GLI2: variants seen among roughly 807,000 people sequenced by gnomAD.
GLI2 encodes the protein GLI family zinc finger 2.
Under a neutral mutation model 78.9 loss-of-function variants are expected in GLI2, and 22 were observed. The ratio of observed to expected loss-of-function variants is 0.28; its 90% confidence interval spans 0.20 to 0.40. The LOEUF is 0.40. GLI2 is among the 10% of genes least tolerant of loss of function. The pLI is 1.00. For synonymous variants in GLI2, 974 were observed against 963.7 expected (o/e 1.01, Z -0.20); for missense variants, 2,097 against 2,213.2 (o/e 0.95, Z 1.05).
intron 1 of GLI2, among the ~76,000 whole-genome samples, chr2:120,766,892 G>C (rs1408817848): frequency 6.6e-6 from 1 of 152,170 alleles, no homozygotes; most frequent in Admixed American, 6.5e-5. Flanking sequence ...CGCTATGGAG[G>C]GCCTGTTCCC....
At chr2:120,943,626 C>A (rs572592437) in intron 3 of GLI2, among the ~76,000 whole-genome samples, 3 of 152,354 alleles carry the variant, frequency 2.0e-5, no homozygotes, top group South Asian at 4.1e-4. Context: ...GCCCCTGGTG[C>A]TTTGGGACTC....
intron 2 of GLI2, among the ~76,000 whole-genome samples, chr2:120,843,754 C>T (rs1686989245): frequency 6.6e-6 from 1 of 152,128 alleles, no homozygotes; most frequent in South Asian, 2.1e-4. Flanking sequence ...GCAGCCTCTG[C>T]CTCCCGGGTT....
chr2:120,833,053 A>T (rs1377799241), intron 2 of GLI2, among the ~76,000 whole-genome samples: 1 of 151,952 alleles, frequency 6.6e-6, no homozygotes, highest in East Asian at 2.0e-4. Context: ...GCCTCTTACC[A>T]GCCTGGATTG....
rs1226016321 is a variant in GLI2 at position 120,892,141 on chromosome 2, C to T, written c.149-35220C>T. Among the ~76,000 whole-genome samples the T allele has an allele frequency of 4.6e-5, 7 of 152,360 alleles. No individual in the cohort carries two copies. The East Asian group carries it at 1.4e-3, about 29-fold the overall frequency. On this transcript the variant is annotated intron_variant, in intron 2 of 13. Coordinates refer to ENST00000361492, the MANE Select transcript of GLI2 (RefSeq NM_001374353.1). ...TCGGGCCCCCATCCACCTCTCTCCC[C>T]CGTCAGCCAGGGAAGGGAAGATTTG...
chr2:120,978,678 C>CA (rs1298514453), intron 10 of GLI2, 95 bp downstream of exon 10: 139 of 1,375,530 alleles, frequency 1.0e-4, no homozygotes, highest in Non-Finnish European at 1.3e-4. Flanking sequence ...GCCACAGGCA[C>CA]ACCTGGGTGG....
At chr2:120,854,850 T>A (rs534566248) in intron 2 of GLI2, among the ~76,000 whole-genome samples, 1 of 152,300 alleles carries the variant, frequency 6.6e-6, no homozygotes, top group East Asian at 1.9e-4. Context: ...AAAGTTTGCA[T>A]TTGTAAGTCC....
At chr2:120,939,564 A>G (rs6541747) in intron 3 of GLI2, among the ~76,000 whole-genome samples, 128,464 of 152,104 alleles carry the variant, frequency 0.84, 57,972 homozygotes, top group East Asian at 1. Flanking sequence ...GAATCATTGC[A>G]GAGGTATTCT....
intron 2 of GLI2, among the ~76,000 whole-genome samples, chr2:120,921,080 C>T (rs1239879555): frequency 6.6e-6 from 1 of 152,100 alleles, no homozygotes; most frequent in African/African-American, 2.4e-5. Context: ...TTTCCCTCCT[C>T]AGCCTGGCCA....
At chr2:120,901,291 G>A (rs925464223) in intron 2 of GLI2, among the ~76,000 whole-genome samples, 5 of 152,192 alleles carry the variant, frequency 3.3e-5, no homozygotes, top group South Asian at 2.1e-4. Flanking sequence ...GGGATCTAAA[G>A]AGGCATCATT....
intron 1 of GLI2, among the ~76,000 whole-genome samples, chr2:120,740,674 C>T (rs555521760): frequency 2.2e-4 from 33 of 152,212 alleles, no homozygotes; most frequent in Non-Finnish European, 4.6e-4. Flanking sequence ...CTTTTCCATT[C>T]TCTGGCCTTT....
intron 1 of GLI2, among the ~76,000 whole-genome samples, chr2:120,786,910 A>T (rs1461217026): frequency 6.6e-6 from 1 of 152,176 alleles, no homozygotes; most frequent in Non-Finnish European, 1.5e-5. Context: ...GCCTGAGGGG[A>T]TGCTCGGAGA....
At chr2:120,943,614 A>G (rs1380703455) in intron 3 of GLI2, among the ~76,000 whole-genome samples, 5 of 152,214 alleles carry the variant, frequency 3.3e-5, no homozygotes, top group African/African-American at 1.2e-4. Flanking sequence ...CACTGTGGCC[A>G]TGCCCCTGGT....
intron 1 of GLI2, among the ~76,000 whole-genome samples, chr2:120,788,522 G>A (rs1285663713): frequency 4.6e-5 from 7 of 152,334 alleles, no homozygotes; most frequent in Admixed American, 6.5e-5. Flanking sequence ...GCTTCCCAGA[G>A]GGAAAAAGTC....
chr2:120,781,377 G>C (rs564145438), intron 1 of GLI2, among the ~76,000 whole-genome samples: 1 of 152,196 alleles, frequency 6.6e-6, no homozygotes, highest in Non-Finnish European at 1.5e-5. Context: ...TTGCCCTGCC[G>C]GGGTCAGAGC....
chr2:120,902,180 C>A (rs978827082), intron 2 of GLI2, among the ~76,000 whole-genome samples: 1 of 140,854 alleles, frequency 7.1e-6, no homozygotes, highest in Non-Finnish European at 1.5e-5. Flanking sequence ...AAGCCATTGA[C>A]ACCCACCCCC....
intron 3 of GLI2, among the ~76,000 whole-genome samples, chr2:120,933,767 A>C (rs2104891892): frequency 6.6e-6 from 1 of 152,194 alleles, no homozygotes; most frequent in Non-Finnish European, 1.5e-5. Context: ...AGAGGAATGT[A>C]GAAGTCCATG....
At chr2:120,836,512 G>T (rs1686619392) in intron 2 of GLI2, among the ~76,000 whole-genome samples, 1 of 152,158 alleles carries the variant, frequency 6.6e-6, no homozygotes, top group African/African-American at 2.4e-5. Flanking sequence ...CTTTTTTATT[G>T]TTGCAGACAT....
At chr2:120,968,000 G>A (rs1373358921) in intron 5 of GLI2, among the ~76,000 whole-genome samples, 9 of 152,204 alleles carry the variant, frequency 5.9e-5, no homozygotes, top group Admixed American at 5.9e-4. Context: ...GGGCACTTTA[G>A]TGGTGATTCC....
chr2:120,938,705 C>T lies in GLI2; in HGVS notation c.254+11239C>T, dbSNP rs562830581. On this transcript the variant is annotated intron_variant, in intron 3 of 13. Transcript: ENST00000361492. ...ATATGGGATGCGTGTTTGCTGCAGA[C>T]GGGGCTAGGGCTGGCCTGGAGGGAG... 8.5e-5 allele frequency among the ~76,000 whole-genome samples: 13 copies of T among 152,270 alleles called. No homozygotes were observed. The South Asian group carries it at 2.1e-3, about 24-fold the overall frequency.
Sources: allele counts gnomAD v4.1 joint callset (sites outside exome capture counted in the v4.1 genomes callset), GRCh38; gene constraint gnomAD v4.1.1; transcripts MANE v1.5; gene names NCBI Gene and HGNC (gene_info 2026-07-23, HGNC 2026-07-21).